Variants in SLC2A13 observed in about 807,000 individuals in gnomAD.
The protein encoded by SLC2A13 is proton myo-inositol cotransporter.
SLC2A13 carries 32 observed loss-of-function variants against 64.4 expected under a neutral mutation model. The observed-to-expected ratio is 0.50, with a 90% confidence interval of 0.37 to 0.67. The LOEUF is 0.67. SLC2A13 is among the 30% of genes least tolerant of loss of function. The probability of loss-of-function intolerance (pLI) is 0.00; values close to 1 mark genes in which losing one functional copy is unlikely to be tolerated. For missense variants in SLC2A13, 743 were observed against 829.2 expected (o/e 0.90, Z 1.28); for synonymous variants, 338 against 327.1 (o/e 1.03, Z -0.36).
At chr12:40,050,198 A>G (rs927289389) in intron 1 of SLC2A13, among the ~76,000 whole-genome samples, 5 of 152,164 alleles carry the variant, frequency 3.3e-5, no homozygotes, top group Non-Finnish European at 5.9e-5. Context: ...TTCAAACAAT[A>G]ATTTACAACT....
chr12:39,945,910 G>GC (rs1946124220), intron 4 of SLC2A13, among the ~76,000 whole-genome samples: 2 of 112,004 alleles, frequency 1.8e-5, no homozygotes, highest in African/African-American at 6.6e-5. Context: ...GTGATTTTTT[G>GC]TGGGGGGGTG....
At chr12:39,978,809 G>C (rs1042251263) in intron 3 of SLC2A13, among the ~76,000 whole-genome samples, 29 of 152,196 alleles carry the variant, frequency 1.9e-4, no homozygotes, top group Admixed American at 1.6e-3. Context: ...CTCGAACTGG[G>C]TGGAGCCCAC....
At chr12:39,839,898 C>A (rs1428313490) in intron 6 of SLC2A13, among the ~76,000 whole-genome samples, 2 of 152,106 alleles carry the variant, frequency 1.3e-5, no homozygotes, top group African/African-American at 4.8e-5. Flanking sequence ...TCTTGCCAAA[C>A]CTATTGTTCC....
chr12:40,035,985 T>C (rs1202314145), intron 2 of SLC2A13, among the ~76,000 whole-genome samples: 1 of 152,216 alleles, frequency 6.6e-6, no homozygotes, highest in Non-Finnish European at 1.5e-5. Flanking sequence ...GAAAATAATG[T>C]ACACACTTCT....
rs760795560 is a variant in SLC2A13, at chr12:39,864,745, A to T, written c.1319+17T>A. On this transcript the variant is annotated intron_variant, in intron 6 of 9. Coordinates refer to ENST00000280871, the MANE Select transcript of SLC2A13 (RefSeq NM_052885.4). ...ACCAGAGTCATGTAAAGGAAGAAGA[A>T]CATAATGGAATCTCACCTGTATCTT... 14 of 1,611,942 alleles carry T rather than the reference A, an allele frequency of 8.7e-6. No homozygotes were observed. Among genetic ancestry groups the T allele is most frequent in the Non-Finnish European group, 1.1e-5 (13 of 1,179,254 alleles).
At chr12:40,092,549 C>T (rs1298383924) in intron 1 of SLC2A13, among the ~76,000 whole-genome samples, 3 of 151,876 alleles carry the variant, frequency 2.0e-5, no homozygotes, top group African/African-American at 7.3e-5. Context: ...GTTTTTTGTC[C>T]CCTAAATTTA....
At chr12:39,952,444 GA>G (rs1023015606) in intron 3 of SLC2A13, among the ~76,000 whole-genome samples, 1 of 152,112 alleles carries the variant, frequency 6.6e-6, no homozygotes, top group South Asian at 2.1e-4. Context: ...AGGATCTTTT[GA>G]AAATCTAATA....
At chr12:39,827,818 T>A (rs547582694) in intron 7 of SLC2A13, among the ~76,000 whole-genome samples, 1 of 152,160 alleles carries the variant, frequency 6.6e-6, no homozygotes, top group African/African-American at 2.4e-5. Flanking sequence ...TATTGACAAT[T>A]CAGAGTTCAT....
At chr12:39,854,772 G>C (rs1057279926) in intron 6 of SLC2A13, among the ~76,000 whole-genome samples, 1 of 152,088 alleles carries the variant, frequency 6.6e-6, no homozygotes, top group Non-Finnish European at 1.5e-5. Context: ...CCTGTGCCTG[G>C]TGGCCCTTTC....
intron 7 of SLC2A13, among the ~76,000 whole-genome samples, chr12:39,788,187 C>G (rs1555235943): frequency 3.9e-5 from 6 of 152,062 alleles, no homozygotes; most frequent in Non-Finnish European, 7.4e-5. Context: ...CCTATAGATG[C>G]TGTGTCATTT....
intron 4 of SLC2A13, among the ~76,000 whole-genome samples, chr12:39,874,615 CA>C (rs11287868): frequency 0.6 from 60,146 of 101,042 alleles, 14,908 homozygotes; most frequent in East Asian, 0.72. Context: ...AACTCCATCT[CA>C]AAAAAAAAAA....
intron 7 of SLC2A13, among the ~76,000 whole-genome samples, chr12:39,797,052 G>A (rs1321823901): frequency 2.0e-5 from 3 of 152,140 alleles, no homozygotes; most frequent in African/African-American, 7.2e-5. Flanking sequence ...TACCTAAAAA[G>A]TACTATTTGA....
At chr12:39,797,900 TCAGCCTC>T (rs538852184) in intron 7 of SLC2A13, among the ~76,000 whole-genome samples, 195 of 152,178 alleles carry the variant, frequency 1.3e-3, no homozygotes, top group African/African-American at 4.2e-3. Context: ...GCTGTGGGAG[TCAGCCTC>T]CAGAATATCC....
At chr12:39,933,512 T>C (rs1202246114) in intron 4 of SLC2A13, among the ~76,000 whole-genome samples, 1 of 152,146 alleles carries the variant, frequency 6.6e-6, no homozygotes, top group Non-Finnish European at 1.5e-5. Flanking sequence ...GTCTCAGTAA[T>C]TTTTTTCATA....
chr12:39,864,615 C>T (rs1048103975), intron 6 of SLC2A13, 147 bp downstream of exon 6: 8 of 1,108,424 alleles, frequency 7.2e-6, no homozygotes, highest in Non-Finnish European at 1.0e-5. Context: ...GGGCCCCTCT[C>T]TACCACCTTT....
rs183861607 is a variant in SLC2A13 at position 39,924,595 on chromosome 12, A to G, written c.1034+26662T>C. Among the ~76,000 whole-genome samples, 6 of 152,276 alleles carry G rather than the reference A, an allele frequency of 3.9e-5. No homozygotes were observed. In the East Asian group the frequency reaches 7.7e-4, roughly 20 times the overall value. On this transcript the variant is annotated intron_variant, in intron 4 of 9. Transcript: ENST00000280871. Reference sequence around the variant, plus strand: ...AGTATCTACTATTTATCTACTATAAATAATTCTGCAATTATTAGGATCATT... The same window carrying G: ...AGTATCTACTATTTATCTACTATAAGTAATTCTGCAATTATTAGGATCATT...
chr12:39,930,321 A>T (rs1304512159), intron 4 of SLC2A13, among the ~76,000 whole-genome samples: 1 of 152,126 alleles, frequency 6.6e-6, no homozygotes, highest in Admixed American at 6.6e-5. Flanking sequence ...CACACATCAG[A>T]GTAAATTTAA....
intron 3 of SLC2A13, among the ~76,000 whole-genome samples, chr12:40,017,896 A>C (rs535043532): frequency 6.6e-6 from 1 of 152,134 alleles, no homozygotes; most frequent in Admixed American, 6.5e-5. Context: ...CGTGGACACA[A>C]ACATTGACAA....
chr12:39,757,980 A>G lies in SLC2A13; in HGVS notation c.*2046T>C, dbSNP rs1353617024. 1.3e-5 allele frequency: 2 copies of G among 152,018 alleles called. No homozygotes were observed. The highest frequency in any genetic ancestry group is 3.0e-5 in the Non-Finnish European group (2 of 67,676). 9.4% of individuals were successfully genotyped at this position (152,018 alleles called of 1,614,324 possible). A position where few individuals can be genotyped will look rare whatever the true frequency, so the allele number is the denominator to read the frequency against. ...CCTTATTATATTTTGATTGTACCAT[A>G]TAGTAGCTTATTTTTCACTTCAATT... On this transcript the variant is annotated 3_prime_UTR_variant, in exon 10 of 10. Coordinates refer to ENST00000280871, the MANE Select transcript of SLC2A13 (RefSeq NM_052885.4).
Sources: allele counts gnomAD v4.1 joint callset (sites outside exome capture counted in the v4.1 genomes callset), GRCh38; gene constraint gnomAD v4.1.1; transcripts MANE v1.5; gene names NCBI Gene and HGNC (gene_info 2026-07-23, HGNC 2026-07-21).